The following GLOD4 variants were observed in gnomAD, a reference collection of about 807,000 sequenced individuals.
GLOD4 encodes glyoxalase domain containing 4.
In GLOD4, 44 loss-of-function variants were observed where a neutral mutation model predicts 39.1. The ratio of observed to expected loss-of-function variants is 1.13; its 90% CI spans 0.88 to 1.45. The LOEUF (loss-of-function observed/expected upper bound fraction) is 1.45, where lower values mean the gene tolerates loss of function less well. Among genes scored for constraint, GLOD4 ranks in the 40% most tolerant of loss-of-function variants. GLOD4 has a pLI of 0.00. For synonymous variants in GLOD4, 145 were observed against 135.0 expected, an observed-to-expected ratio of 1.07 and a Z score of -0.52; for missense variants, 405 against 366.4, an observed-to-expected ratio of 1.11 and a Z score of -0.86.
At chr17:777,335 T>A (rs1469006483) in intron 2 of GLOD4, 3 of 235,812 alleles carry the variant, frequency 1.3e-5, no homozygotes, top group Non-Finnish European at 2.6e-5. Flanking sequence ...TGTTCCAACT[T>A]GTCACGGTAC....
chr17:770,169 C>T lies in GLOD4; in HGVS notation c.631-12G>A, dbSNP rs751967625. Reference sequence around the variant, plus strand: ...TCTAAGTCTGGCAACTTGAGGAAAACAGAGGCAACGTGAGCCAGGGGTCAC... The same window carrying T: ...TCTAAGTCTGGCAACTTGAGGAAAATAGAGGCAACGTGAGCCAGGGGTCAC... On this transcript the variant is annotated splice_polypyrimidine_tract_variant and intron_variant, in intron 6 of 8. Transcript: ENST00000301329. 1 of 1,500,746 alleles carries T rather than the reference C, an allele frequency of 6.7e-7. No homozygotes were observed. Among genetic ancestry groups the T allele is most frequent in the African/African-American group, 1.4e-5 (1 of 72,644 alleles). The allele number at this position is 1,500,746 out of a possible 1,614,324, so 93.0% of individuals were successfully genotyped here. A position where few individuals can be genotyped will look rare whatever the true frequency, so the allele number is the denominator to read the frequency against.
intron 2 of GLOD4, chr17:777,368 G>A (rs1007548434): frequency 1.1e-5 from 2 of 176,312 alleles, no homozygotes; most frequent in Middle Eastern, 2.6e-3. Flanking sequence ...ATGGACGGGC[G>A]TGGTGGCTCA....
chr17:762,225 T>C (rs1271622508), intron 8 of GLOD4, among the ~76,000 whole-genome samples: 1 of 152,172 alleles, frequency 6.6e-6, no homozygotes, highest in African/African-American at 2.4e-5. Context: ...TGGTCAAAAG[T>C]GACTGTCTGT....
chr17:770,696 T>TG (rs1311573979), intron 5 of GLOD4, 189 bp from the exon 6 acceptor site: 1 of 220,570 alleles, frequency 4.5e-6, no homozygotes, highest in Admixed American at 8.1e-5. Flanking sequence ...CGCATCTATG[T>TG]TTTTTTTTTT....
intron 4 of GLOD4, among the ~76,000 whole-genome samples, chr17:775,567 G>T (rs911655912): frequency 2.0e-5 from 3 of 152,166 alleles, no homozygotes; most frequent in Non-Finnish European, 4.4e-5. Flanking sequence ...TACATTACCA[G>T]TAGAACAGAA....
chr17:771,943 G>A (rs1016938099), intron 4 of GLOD4, among the ~76,000 whole-genome samples: 1 of 151,296 alleles, frequency 6.6e-6, no homozygotes, highest in East Asian at 1.9e-4. Context: ...AACCTGGGAG[G>A]CGGAGGTTGC....
Position 771,362 on chromosome 17 carries a change from T to C in GLOD4, c.506A>G (p.Glu169Gly), listed in dbSNP as rs141456440. The stretch of plus-strand genomic sequence containing the variant: ...ATAGCCCAGCAAAGCCCTTTGCTTT[T>C]CTTCATCTTTTTCATAAATTTTCAT... ...LGMKIYEKDE[E>G]KQRALLGYAD... Residue 169 changes from glutamate to glycine, a missense_variant, in exon 5 of 9, where the codon GAA becomes GGA. By Grantham distance (98) the Glu-to-Gly change is moderately conservative. Transcript: ENST00000301329. The C allele has an allele frequency of 5.3e-4, 849 of 1,604,764 alleles. 5 individuals are homozygous for C. The highest frequency in any genetic ancestry group is 4.4e-3 in the South Asian group (400 of 89,930).
chr17:785,103 A>G (rs1402958528), upstream of GLOD4, among the ~76,000 whole-genome samples: 1 of 152,194 alleles, frequency 6.6e-6, no homozygotes, highest in Non-Finnish European at 1.5e-5. Context: ...TTGGGAGCAG[A>G]CTACAAAGGG....
intron 1 of GLOD4, among the ~76,000 whole-genome samples, chr17:781,200 C>A (rs972216544): frequency 6.6e-6 from 1 of 152,178 alleles, no homozygotes; most frequent in African/African-American, 2.4e-5. Flanking sequence ...AGATTACAGG[C>A]GTGGGCCACC....
chr17:765,596 G>T (rs544329354), intron 8 of GLOD4, among the ~76,000 whole-genome samples: 1 of 150,070 alleles, frequency 6.7e-6, no homozygotes, highest in Admixed American at 6.6e-5. Flanking sequence ...TTGGGAGGCC[G>T]AGGAGGGTGG....
In GLOD4 at chr17:770,798, C is replaced by T. The variant is rs1211323060; in HGVS notation, c.544-291G>A. ...TCAATACATAAAGATTTGCCTCAAT[C>T]TTTTTGCTAGCGACATAGTAATCCA... On this transcript the variant is annotated intron_variant, in intron 5 of 8. Coordinates refer to ENST00000301329, the MANE Select transcript of GLOD4 (RefSeq NM_016080.4). The T allele has an allele frequency of 1.8e-5, 5 of 282,900 alleles. No individual in the cohort carries two copies. In the East Asian group the frequency reaches 3.3e-4, roughly 18 times the overall value. The allele number at this position is 282,900 out of a possible 1,614,324, so 17.5% of individuals were successfully genotyped here. A position where few individuals can be genotyped will look rare whatever the true frequency, so the allele number is the denominator to read the frequency against.
At chr17:776,810 A>G in intron 3 of GLOD4, 58 bp downstream of exon 3, 1 of 1,355,636 alleles carries the variant, frequency 7.4e-7, no homozygotes, top group East Asian at 2.3e-5. Flanking sequence ...CTCTACTCAA[A>G]TTTACAACCA....
upstream of GLOD4, chr17:782,316 G>A (rs761090178): frequency 1.2e-6 from 2 of 1,611,218 alleles, no homozygotes; most frequent in African/African-American, 2.7e-5. Context: ...AGGGCGCCAC[G>A]GGCCGTGACG....
upstream of GLOD4, chr17:782,439 G>C (rs753708502): frequency 5.6e-6 from 9 of 1,613,858 alleles, no homozygotes; most frequent in Non-Finnish European, 7.6e-6. Flanking sequence ...GGTGGTCCAG[G>C]CTTGGGACCT....
intron 8 of GLOD4, among the ~76,000 whole-genome samples, chr17:768,392 G>A (rs1450637698): frequency 1.4e-5 from 2 of 146,590 alleles, no homozygotes; most frequent in African/African-American, 2.6e-5. Context: ...GAGGACGTAA[G>A]AGAGAGAAAC....
rs140726607 is a variant in GLOD4 at position 779,417 on chromosome 17, G to T, written c.91-673C>A. 3.6e-3 allele frequency among the ~76,000 whole-genome samples: 534 copies of T among 149,826 alleles called. 5 individuals are homozygous for T. The highest frequency in any genetic ancestry group is 0.012 in the African/African-American group (504 of 40,718). On this transcript the variant is annotated intron_variant, in intron 1 of 8. Coordinates refer to ENST00000301329, the MANE Select transcript of GLOD4 (RefSeq NM_016080.4). ...GGCTGAGGTGGGCAGATCACCTGAG[G>T]TCGGGAGTTCGAGACCAGCCTAGCC...
intron 1 of GLOD4, among the ~76,000 whole-genome samples, chr17:779,902 C>T (rs1909592792): frequency 6.6e-6 from 1 of 152,142 alleles, no homozygotes; most frequent in African/African-American, 2.4e-5. Flanking sequence ...CGGTGGCTCA[C>T]GCCTGTAATC....
upstream of GLOD4, among the ~76,000 whole-genome samples, chr17:785,179 C>T (rs929520477): frequency 2.0e-5 from 3 of 151,876 alleles, no homozygotes; most frequent in African/African-American, 7.3e-5. Context: ...AAAAAGCTTA[C>T]TAAAAGGTTA....
chr17:767,690 T>C (rs1366429288), intron 8 of GLOD4, among the ~76,000 whole-genome samples: 601 of 84,848 alleles, frequency 7.1e-3, no homozygotes, highest in Middle Eastern at 0.058. Flanking sequence ...ACAGCGCGCA[T>C]TCAGATTTTT....
Sources: allele counts gnomAD v4.1 joint callset (sites outside exome capture counted in the v4.1 genomes callset), GRCh38; gene constraint gnomAD v4.1.1; transcripts MANE v1.5; gene names NCBI Gene and HGNC (gene_info 2026-07-23, HGNC 2026-07-21).